The following CSMD3 variants were observed in gnomAD, a reference collection of about 807,000 sequenced individuals.
CSMD3 encodes CUB and Sushi multiple domains 3.
Under a neutral mutation model 435.2 loss-of-function variants are expected in CSMD3, and 177 were observed. That is an observed-to-expected ratio of 0.41 (90% CI 0.36 to 0.46). The LOEUF (loss-of-function observed/expected upper bound fraction) is 0.46, where lower values mean the gene tolerates loss of function less well. CSMD3 is among the 20% of genes least tolerant of loss of function. The pLI, the probability that CSMD3 is intolerant of heterozygous loss-of-function variation, is 0.34. For missense variants in CSMD3, 4,265 were observed against 4,504.6 expected (o/e 0.95, Z 1.52); for synonymous variants, 1,656 against 1,520.5 (o/e 1.09, Z -2.07).
intron 6 of CSMD3, among the ~76,000 whole-genome samples, chr8:112,987,422 T>C (rs2085295591): frequency 6.6e-6 from 1 of 152,104 alleles, no homozygotes; most frequent in South Asian, 2.1e-4. Flanking sequence ...ATACCAAAAA[T>C]ATTTTTAAAA....
At chr8:112,744,493 A>G in intron 13 of CSMD3, among the ~76,000 whole-genome samples, 1 of 152,076 alleles carries the variant, frequency 6.6e-6, no homozygotes, top group Non-Finnish European at 1.5e-5. Flanking sequence ...CACATTTACT[A>G]ATATAAAATA....
intron 12 of CSMD3, among the ~76,000 whole-genome samples, chr8:112,805,468 G>A (rs1587349737): frequency 1.3e-5 from 2 of 151,942 alleles, no homozygotes; most frequent in East Asian, 1.9e-4. Flanking sequence ...AATAAACACA[G>A]TTAAAAAAAT....
intron 5 of CSMD3, among the ~76,000 whole-genome samples, chr8:113,076,638 A>G (rs919816023): frequency 3.9e-5 from 6 of 152,130 alleles, no homozygotes; most frequent in Non-Finnish European, 8.8e-5. Context: ...TCATAAAAAC[A>G]TGACATTTTT....
At chr8:112,255,687 G>T (rs1861754) in intron 61 of CSMD3, 107,820 of 464,032 alleles carry the variant, frequency 0.23, 13,700 homozygotes, top group East Asian at 0.39. Context: ...AAGAATTTTT[G>T]TACTTTTGTC....
intron 1 of CSMD3, among the ~76,000 whole-genome samples, chr8:113,391,571 T>C (rs1388960918): frequency 6.6e-6 from 1 of 152,058 alleles, no homozygotes. Flanking sequence ...TAAATAGATC[T>C]CTTGATTAAA....
chr8:113,382,297 T>G (rs2094419483), intron 1 of CSMD3, among the ~76,000 whole-genome samples: 1 of 152,188 alleles, frequency 6.6e-6, no homozygotes, highest in Admixed American at 6.5e-5. Context: ...TTTTAAATAC[T>G]TAAAACTTGA....
intron 40 of CSMD3, among the ~76,000 whole-genome samples, chr8:112,348,601 A>G (rs117985084): frequency 0.026 from 3,956 of 152,216 alleles, 67 homozygotes; most frequent in Non-Finnish European, 0.04. Flanking sequence ...AAGAGTAAAA[A>G]GGAATTTAAA....
chr8:112,752,534 G>T (rs2077593944), intron 13 of CSMD3, among the ~76,000 whole-genome samples: 1 of 152,164 alleles, frequency 6.6e-6, no homozygotes, highest in Non-Finnish European at 1.5e-5. Context: ...GGAGAAAAGG[G>T]TAGAGGATAC....
At chr8:112,663,939 GC>G (rs2075453913) in intron 17 of CSMD3, among the ~76,000 whole-genome samples, 1 of 152,078 alleles carries the variant, frequency 6.6e-6, no homozygotes, top group South Asian at 2.1e-4. Context: ...GCACCCCCAG[GC>G]ATTCTTTGAA....
intron 12 of CSMD3, among the ~76,000 whole-genome samples, chr8:112,819,747 T>C (rs1224457245): frequency 6.6e-6 from 1 of 152,182 alleles, no homozygotes; most frequent in Non-Finnish European, 1.5e-5. Context: ...TCAAAATTAA[T>C]ATAACTTCTC....
intron 13 of CSMD3, among the ~76,000 whole-genome samples, chr8:112,770,903 A>T (rs2078096870): frequency 6.6e-6 from 1 of 151,888 alleles, no homozygotes; most frequent in East Asian, 1.9e-4. Flanking sequence ...TTCATCTGTA[A>T]ACTAGGATTT....
intron 25 of CSMD3, among the ~76,000 whole-genome samples, chr8:112,555,262 C>G (rs907891741): frequency 2.6e-5 from 4 of 151,764 alleles, no homozygotes; most frequent in Non-Finnish European, 5.9e-5. Context: ...AAAACCTTTC[C>G]AAAAAGTAGA....
chr8:112,650,380 A>C, intron 18 of CSMD3, 31 bp from the exon 19 acceptor site: 1 of 1,557,022 alleles, frequency 6.4e-7, no homozygotes, highest in Non-Finnish European at 8.9e-7. Context: ...AATAAAGAGT[A>C]AGCTTGGTGG....
At chr8:112,432,975 C>A (rs370445884) in intron 32 of CSMD3, among the ~76,000 whole-genome samples, 1 of 151,392 alleles carries the variant, frequency 6.6e-6, no homozygotes, top group Admixed American at 6.6e-5. Context: ...AATTTCCAAA[C>A]AGTTACAACT....
intron 13 of CSMD3, among the ~76,000 whole-genome samples, chr8:112,752,313 T>C (rs181308415): frequency 3.8e-4 from 58 of 152,274 alleles, no homozygotes; most frequent in African/African-American, 1.2e-3. Flanking sequence ...CCTCTTTTTA[T>C]TTCCTACTTG....
chr8:112,263,137 T>TAAAAAAAAAAAAAAAAAAAAAAAAAAAA (rs58022386), intron 61 of CSMD3, among the ~76,000 whole-genome samples: 1 of 138,020 alleles, frequency 7.2e-6, no homozygotes, highest in Non-Finnish European at 1.6e-5. Context: ...GCAACCTCTG[T>TAAAAAAAAAAAAAAAAAAAAAAAAAAAA]AAAAAAAAAA....
intron 13 of CSMD3, among the ~76,000 whole-genome samples, chr8:112,755,331 A>AAATAGTAAT (rs2077668550): frequency 7.8e-6 from 1 of 128,734 alleles, no homozygotes. Context: ...ACTCCGTCTC[A>AAATAGTAAT]AATAATAATA....
chr8:112,340,375 A>G (rs1421894665), intron 42 of CSMD3, among the ~76,000 whole-genome samples: 1 of 152,202 alleles, frequency 6.6e-6, no homozygotes, highest in Non-Finnish European at 1.5e-5. Flanking sequence ...TATAATACAA[A>G]TTATAATTAT....
At chr8:112,969,083 T>C (rs2084538003) in intron 7 of CSMD3, among the ~76,000 whole-genome samples, 1 of 151,996 alleles carries the variant, frequency 6.6e-6, no homozygotes, top group South Asian at 2.1e-4. Context: ...TTTCACACAA[T>C]GCAGTTTTTG....
Sources: allele counts gnomAD v4.1 joint callset (sites outside exome capture counted in the v4.1 genomes callset), GRCh38; gene constraint gnomAD v4.1.1; transcripts MANE v1.5; gene names NCBI Gene and HGNC (gene_info 2026-07-23, HGNC 2026-07-21).